Variants in SMAP2 observed in about 807,000 individuals in gnomAD.
The protein encoded by SMAP2 is stromal membrane-associated protein 2.
SMAP2 carries 25 observed loss-of-function variants against 56.4 expected under a neutral mutation model. The observed-to-expected ratio is 0.44, with a 90% confidence interval of 0.32 to 0.62. The LOEUF (loss-of-function observed/expected upper bound fraction) is 0.62, where lower values mean the gene tolerates loss of function less well. Among genes scored for constraint, SMAP2 ranks in the 20% least tolerant of loss-of-function variants. The pLI is 0.04. For missense variants in SMAP2, 388 were observed against 545.6 expected, an observed-to-expected ratio of 0.71 and a Z score of 2.88; for synonymous variants, 157 against 181.7, an observed-to-expected ratio of 0.86 and a Z score of 1.09.
intron 1 of SMAP2, among the ~76,000 whole-genome samples, chr1:40,388,802 C>T (rs1423077771): frequency 1.3e-5 from 2 of 152,210 alleles, no homozygotes; most frequent in African/African-American, 4.8e-5. Context: ...TGCAATAAAT[C>T]TTACTGCTAC....
intron 4 of SMAP2, 37 bp downstream of exon 4, chr1:40,409,872 G>GCACATTACT: frequency 1.0e-5 from 13 of 1,302,300 alleles, no homozygotes; most frequent in African/African-American, 2.9e-5. Context: ...TCCACAATAA[G>GCACATTACT]TAATGTGCTT....
chr1:40,375,491 C>G (rs1644532642), intron 1 of SMAP2, among the ~76,000 whole-genome samples: 1 of 152,092 alleles, frequency 6.6e-6, no homozygotes, highest in Non-Finnish European at 1.5e-5. Context: ...TACATAGACA[C>G]CTAGTAATGT....
At position 40,379,732 on chromosome 1, in the gene SMAP2, A is replaced by G. The variant is rs1569848253; in HGVS notation, c.103+5509A>G. On this transcript the variant is annotated intron_variant, in intron 1 of 9. Coordinates refer to ENST00000372718, the MANE Select transcript of SMAP2 (RefSeq NM_022733.3). ...TTTTTAGCAGAGAGAAGGTTTCACCATGTTGTCCAGGCTGGTCTGGAACTC... is the reference window on the plus strand; with the variant it reads ...TTTTTAGCAGAGAGAAGGTTTCACCGTGTTGTCCAGGCTGGTCTGGAACTC... 3.3e-5 allele frequency among the ~76,000 whole-genome samples: 5 copies of G among 152,136 alleles called. No individual in the cohort carries two copies. The South Asian group carries it at 8.3e-4, about 25-fold the overall frequency.
intron 1 of SMAP2, among the ~76,000 whole-genome samples, chr1:40,361,702 G>A (rs924095564): frequency 2.6e-5 from 4 of 152,160 alleles, no homozygotes; most frequent in Admixed American, 6.5e-5. Context: ...AGTACTTTCC[G>A]TGGGCCTGGG....
chr1:40,405,325 C>T (rs948976134), intron 1 of SMAP2, among the ~76,000 whole-genome samples: 6 of 152,000 alleles, frequency 3.9e-5, no homozygotes, highest in Non-Finnish European at 8.8e-5. Flanking sequence ...CTAGTCTCTA[C>T]AGTAAATAAA....
At chr1:40,399,310 ATTT>A (rs747127620) in intron 1 of SMAP2, among the ~76,000 whole-genome samples, 202 of 91,948 alleles carry the variant, frequency 2.2e-3, no homozygotes, top group African/African-American at 7.7e-3. Context: ...ACGTGTGGCT[ATTT>A]TTTTTTTTTT....
chr1:40,400,660 GGAA>G (rs1402448980), intron 1 of SMAP2, among the ~76,000 whole-genome samples: 4 of 152,132 alleles, frequency 2.6e-5, no homozygotes, highest in Admixed American at 2.0e-4. Flanking sequence ...GAAGAAAAAA[GGAA>G]GAGATTTTGT....
intron 1 of SMAP2, among the ~76,000 whole-genome samples, chr1:40,392,355 T>C (rs961576985): frequency 6.6e-6 from 1 of 151,938 alleles, no homozygotes; most frequent in Non-Finnish European, 1.5e-5. Flanking sequence ...CACTTAAGCC[T>C]GTGTCAGTCC....
At chr1:40,389,394 G>T (rs1369245485) in intron 1 of SMAP2, among the ~76,000 whole-genome samples, 1 of 152,164 alleles carries the variant, frequency 6.6e-6, no homozygotes, top group African/African-American at 2.4e-5. Context: ...AATGCACGGT[G>T]TCTGGCACAT....
chr1:40,376,102 C>T lies in SMAP2; in HGVS notation c.103+1879C>T, dbSNP rs191701056. Among the ~76,000 whole-genome samples the T allele has an allele frequency of 7.6e-4, 116 of 152,252 alleles. 1 individual carries two copies. In the East Asian group the frequency reaches 0.022, roughly 29 times the overall value. On this transcript the variant is annotated intron_variant, in intron 1 of 9. Transcript: ENST00000372718. ...AGTACCTGGGATTACAGGCGCCCGC[C>T]ACCATGCCCAGCTGATTTTTGTATT...
rs1177359902 is a variant in SMAP2 at position 40,373,963 on chromosome 1, C to T, written c.-158C>T. Reference sequence around the variant, plus strand: ...CGGAGTGGGGGACGGACGCCCCCGACCCGGGAAGGGGCGTCCGGCGGGGCC... The same window carrying T: ...CGGAGTGGGGGACGGACGCCCCCGATCCGGGAAGGGGCGTCCGGCGGGGCC... On this transcript the variant is annotated 5_prime_UTR_variant, in exon 1 of 10. Coordinates refer to ENST00000372718, the MANE Select transcript of SMAP2 (RefSeq NM_022733.3). 9 of 590,874 alleles carry T rather than the reference C, an allele frequency of 1.5e-5. No individual in the cohort carries two copies. The highest frequency in any genetic ancestry group is 1.4e-4 in the South Asian group (7 of 49,390). 36.6% of individuals were successfully genotyped at this position (590,874 alleles called of 1,614,324 possible).
intron 8 of SMAP2, 94 bp from the exon 9 acceptor site, chr1:40,416,686 G>A (rs1644990515): frequency 7.0e-6 from 9 of 1,294,740 alleles, no homozygotes; most frequent in Non-Finnish European, 8.5e-6. Context: ...GTAATCCTGA[G>A]AAATTCCAGC....
At chr1:40,412,334 T>TCATC (rs1473246804) in intron 4 of SMAP2, among the ~76,000 whole-genome samples, 1 of 152,174 alleles carries the variant, frequency 6.6e-6, no homozygotes, top group Non-Finnish European at 1.5e-5. Flanking sequence ...TGGTTTCACT[T>TCATC]CATCCCTCCC....
intron 1 of SMAP2, among the ~76,000 whole-genome samples, chr1:40,345,633 T>C (rs1384985791): frequency 6.6e-6 from 1 of 151,926 alleles, no homozygotes; most frequent in East Asian, 1.9e-4. Context: ...ACCTTTTATT[T>C]TCATTTTTAA....
chr1:40,353,570 A>G (rs1644419329), intron 1 of SMAP2, among the ~76,000 whole-genome samples: 2 of 152,076 alleles, frequency 1.3e-5, no homozygotes, highest in East Asian at 1.9e-4. Context: ...GGTTTTCACC[A>G]TGTTGGCCAG....
In SMAP2 at chr1:40,386,480, C is replaced by T. The variant is rs1455398462; in HGVS notation, c.103+12257C>T. The stretch of plus-strand genomic sequence containing the variant: ...TGAAACATTGGAATCAGGAAGACTC[C>T]GGCTTGGCTCCCTGAGCATTCTAAC... On this transcript the variant is annotated intron_variant, in intron 1 of 9. Transcript: ENST00000372718. This position sits in a 1 kb window ranked among gnomAD's most constrained non-coding sequence, Gnocchi z 4.1. Among the ~76,000 whole-genome samples, 3 of 152,140 alleles carry T rather than the reference C, an allele frequency of 2.0e-5. No individual in the cohort carries two copies. Among genetic ancestry groups the T allele is most frequent in the South Asian group, 2.1e-4 (1 of 4,826 alleles).
At chr1:40,393,432 A>G (rs1644736606) in intron 1 of SMAP2, 2 of 1,535,626 alleles carry the variant, frequency 1.3e-6, no homozygotes, top group Non-Finnish European at 1.7e-6. Context: ...GAAAGTGGGC[A>G]GAGCAAGATT....
intron 1 of SMAP2, among the ~76,000 whole-genome samples, chr1:40,388,377 G>C (rs1169910621): frequency 6.6e-6 from 1 of 152,140 alleles, no homozygotes; most frequent in Non-Finnish European, 1.5e-5. Flanking sequence ...TACACCAGTC[G>C]GCACTCTGTA....
chr1:40,399,707 AAAAAAAAG>A (rs1238021978), intron 1 of SMAP2, among the ~76,000 whole-genome samples: 3 of 137,110 alleles, frequency 2.2e-5, no homozygotes, highest in Admixed American at 7.9e-5. Context: ...GTCTCAAAAA[AAAAAAAAG>A]AAAAGAAAAG....
Sources: gnomAD v4.1 joint callset for allele counts (sites outside exome capture counted in the v4.1 genomes callset) on GRCh38, gnomAD v4.1.1 for gene constraint, Gnocchi (gnomAD v3.1) non-coding constraint, MANE v1.5 for transcripts, NCBI Gene and HGNC (gene_info 2026-07-23, HGNC 2026-07-21) for gene names.